The following PPEF1 variants were observed in gnomAD, a reference collection of about 807,000 sequenced individuals.
PPEF1 encodes protein phosphatase with EF-hand domain 1.
A neutral mutation model predicts 53.3 loss-of-function variants in PPEF1; 12 were observed. That is an observed-to-expected ratio of 0.23 (90% CI 0.14 to 0.36). The LOEUF is 0.36. Ranked by LOEUF, PPEF1 falls within the 10% of genes least tolerant of loss-of-function variation. The pLI, the probability that PPEF1 is intolerant of heterozygous loss-of-function variation, is 1.00. For missense variants in PPEF1, 334 were observed against 490.4 expected, an observed-to-expected ratio of 0.68 and a Z score of 3.01; for synonymous variants, 165 against 176.7, an observed-to-expected ratio of 0.93 and a Z score of 0.52.
At position 18,803,083 on chromosome X, in the gene PPEF1, C is replaced by A. The variant is rs181572853; in HGVS notation, c.1066-809C>A. On this transcript the variant is annotated intron_variant, in intron 10 of 15. Coordinates refer to ENST00000470157, the MANE Select transcript of PPEF1 (RefSeq NM_001377996.1). ...CTCACAACCTTCAGAGCTGAGAGCC[C>A]CAAACACAGATTTACCCACGTATTT... 2.6e-3 allele frequency among the ~76,000 whole-genome samples: 286 copies of A among 111,708 alleles called. 1 individual carries two copies. Among genetic ancestry groups the A allele is most frequent in the African/African-American group, 9.0e-3 (278 of 30,761 alleles).
upstream of PPEF1, among the ~76,000 whole-genome samples, chrX:18,706,889 T>G (rs1199635965): frequency 2.4e-5 from 2 of 84,134 alleles, no homozygotes. Context: ...AGTACAGTGG[T>G]GCGATCTCAG....
chrX:18,787,984 T>C (rs2046242242), intron 9 of PPEF1, among the ~76,000 whole-genome samples: 1 of 110,163 alleles, frequency 9.1e-6, no homozygotes, highest in African/African-American at 3.3e-5. Context: ...TTTTGAAAAA[T>C]AAAGGTAAGA....
intron 3 of PPEF1, among the ~76,000 whole-genome samples, chrX:18,736,122 C>A (rs2044973551): frequency 9.0e-6 from 1 of 111,297 alleles, no homozygotes; most frequent in Admixed American, 9.6e-5. Context: ...CCCTTTATTT[C>A]TTTCTCCTGC....
At chrX:18,721,898 C>A (rs887636884) in intron 1 of PPEF1, among the ~76,000 whole-genome samples, 6 of 112,098 alleles carry the variant, frequency 5.4e-5, no homozygotes, top group Non-Finnish European at 9.4e-5. Flanking sequence ...GACTGGACTT[C>A]ACACTTTACT....
At chrX:18,688,176 A>G (rs764120286) in intron 3 of PPEF1, among the ~76,000 whole-genome samples, 5 of 111,839 alleles carry the variant, frequency 4.5e-5, no homozygotes, top group African/African-American at 9.7e-5. Context: ...TTAAATGGCA[A>G]TATTTCACTT....
chrX:18,788,106 G>A (rs1032438794), intron 9 of PPEF1, among the ~76,000 whole-genome samples: 2 of 111,328 alleles, frequency 1.8e-5, no homozygotes, highest in Non-Finnish European at 3.8e-5. Context: ...CACGAGGTCA[G>A]GAGATCAAGA....
intron 5 of PPEF1, among the ~76,000 whole-genome samples, chrX:18,699,719 C>T (rs1355679122): frequency 9.0e-6 from 1 of 111,605 alleles, no homozygotes; most frequent in East Asian, 2.8e-4. Context: ...CAGGTAGGTT[C>T]TCCAATAAGG....
chrX:18,685,215 C>T (rs774991591), intron 2 of PPEF1, among the ~76,000 whole-genome samples: 2 of 112,357 alleles, frequency 1.8e-5, no homozygotes, highest in African/African-American at 6.5e-5. Flanking sequence ...TGTTAAACTC[C>T]AGTCATATTG....
At chrX:18,675,575 T>G (rs1204021519), upstream of PPEF1, among the ~76,000 whole-genome samples, 1 of 112,621 alleles carries the variant, frequency 8.9e-6, no homozygotes, top group Non-Finnish European at 1.9e-5. Context: ...GGGCTTCCGT[T>G]AGGTCTCCTT....
chrX:18,821,382 T>A (rs1039139530), intron 13 of PPEF1, among the ~76,000 whole-genome samples: 11 of 110,786 alleles, frequency 9.9e-5, no homozygotes, highest in Admixed American at 9.7e-5. Context: ...AAGATATGAT[T>A]AACAAAGTAA....
At chrX:18,699,124 C>G (rs1298629844) in intron 5 of PPEF1, among the ~76,000 whole-genome samples, 1 of 111,272 alleles carries the variant, frequency 9.0e-6, no homozygotes, top group East Asian at 2.8e-4. Context: ...CTATCATTTA[C>G]AATTTGTGTA....
At chrX:18,742,742 A>T (rs1367830566) in intron 3 of PPEF1, among the ~76,000 whole-genome samples, 3 of 110,167 alleles carry the variant, frequency 2.7e-5, no homozygotes, top group Non-Finnish European at 5.7e-5. Flanking sequence ...CCATCTACTC[A>T]GGAGACTGAG....
At chrX:18,750,869 A>C (rs1303392230) in intron 4 of PPEF1, among the ~76,000 whole-genome samples, 1 of 108,261 alleles carries the variant, frequency 9.2e-6, no homozygotes, top group Admixed American at 9.9e-5. Context: ...TTTTATTTTT[A>C]TTATAGCCAT....
intron 4 of PPEF1, among the ~76,000 whole-genome samples, chrX:18,755,146 T>G (rs1039185123): frequency 9.0e-6 from 1 of 111,208 alleles, no homozygotes. Flanking sequence ...ATGAAAAGAC[T>G]GTTATTAAGG....
rs753698202 is a variant in PPEF1, at chrX:18,784,028, C to T, written c.892C>T (p.His298Tyr). ...ISETTDLNLL[H>Y]RVERNKMKSV... ...AGAGACCACAGACTTGAATTTACTC[C>T]ACCGTGTAGAGAGGAACAAGGTAAG... Residue 298 changes from histidine to tyrosine, a missense_variant, in exon 9 of 16, where the codon CAC becomes TAC. His to Tyr is a moderately conservative substitution (Grantham distance 83, BLOSUM62 2). Coordinates refer to ENST00000470157, the MANE Select transcript of PPEF1 (RefSeq NM_001377996.1). The T allele has an allele frequency of 3.3e-6, 4 of 1,204,153 alleles. No individual in the cohort carries two copies. In the East Asian group the frequency reaches 1.2e-4, roughly 36 times the overall value.
chrX:18,689,879 T>C (rs1010974930), intron 3 of PPEF1, among the ~76,000 whole-genome samples: 1 of 111,146 alleles, frequency 9.0e-6, no homozygotes, highest in Non-Finnish European at 1.9e-5. Flanking sequence ...AGTTAGCTAC[T>C]CCGGGTCACG....
chrX:18,735,538 G>A (rs2044956198), intron 3 of PPEF1, among the ~76,000 whole-genome samples: 9 of 111,940 alleles, frequency 8.0e-5, no homozygotes, highest in Admixed American at 7.6e-4. Context: ...TAGCCTTGTA[G>A]TATAGTTTGA....
At chrX:18,716,259 G>A (rs186434258) in intron 1 of PPEF1, among the ~76,000 whole-genome samples, 2,334 of 111,637 alleles carry the variant, frequency 0.021, 65 homozygotes, top group African/African-American at 0.072. Context: ...ATCGCCAGGC[G>A]CGGTGGCTCA....
chrX:18,725,801 G>C (rs1449228522), intron 1 of PPEF1, among the ~76,000 whole-genome samples: 1 of 111,508 alleles, frequency 9.0e-6, no homozygotes, highest in Non-Finnish European at 1.9e-5. Flanking sequence ...CTTTGGAGTA[G>C]AAGAGGAAGT....
Sources: gnomAD v4.1 joint callset for allele counts (sites outside exome capture counted in the v4.1 genomes callset) on GRCh38, gnomAD v4.1.1 for gene constraint, MANE v1.5 for transcripts, NCBI Gene and HGNC (gene_info 2026-07-23, HGNC 2026-07-21) for gene names.